The following NOXA1 variants were observed in gnomAD, a reference collection of about 807,000 sequenced individuals.
NOXA1 encodes the protein NCF2-like protein.
Under a neutral mutation model 64.8 loss-of-function variants are expected in NOXA1, and 56 were observed. The ratio of observed to expected loss-of-function variants is 0.86; its 90% confidence interval spans 0.70 to 1.08. The LOEUF is 1.08. Among genes scored for constraint, NOXA1 ranks in the 50% least tolerant of loss-of-function variants. NOXA1 has a pLI of 0.00. For synonymous variants in NOXA1, 295 were observed against 294.8 expected (o/e 1.00, Z -0.01); for missense variants, 668 against 658.5 (o/e 1.01, Z -0.16).
intron 2 of NOXA1, 69 bp downstream of exon 2, chr9:137,426,399 C>T: frequency 8.3e-7 from 1 of 1,200,846 alleles, no homozygotes; most frequent in Non-Finnish European, 1.2e-6. Flanking sequence ...ACTCCTGCAC[C>T]TCCTCCTCCT....
chr9:137,424,793 C>T (rs1838773782), intron 1 of NOXA1, among the ~76,000 whole-genome samples: 1 of 152,148 alleles, frequency 6.6e-6, no homozygotes, highest in Non-Finnish European at 1.5e-5. Flanking sequence ...TCTTTAGACA[C>T]CAGGTGGTTC....
At position 137,433,219 on chromosome 9, in the gene NOXA1, G is replaced by A. The variant is rs1312140063; in HGVS notation, c.865G>A (p.Gly289Arg). 3 of 1,606,460 alleles carry A rather than the reference G, an allele frequency of 1.9e-6. No individual in the cohort carries two copies. The highest frequency in any genetic ancestry group is 4.5e-5 in the East Asian group (2 of 44,690). Residue 289 changes from glycine to arginine, a missense_variant, in exon 10 of 14, where the codon GGG becomes AGG. Physicochemically the swap from Gly to Arg is moderately radical, Grantham distance 125 (BLOSUM62 -2). Coordinates refer to ENST00000683555, the MANE Select transcript of NOXA1 (RefSeq NM_001256067.2). ...CTGTCCTACAGGGCTGCCGGCAATG[G>A]GGGGGCCTGGCCCCGGCCCCTGTGA... ...APLSPGLPAM[G>R]GPGPGPCEDP...
In NOXA1 at chr9:137,433,523, G is replaced by A; in HGVS notation, c.980G>A (p.Arg327Lys). 6.3e-7 allele frequency: 1 copy of A among 1,597,786 alleles called. No individual in the cohort carries two copies. The highest frequency in any genetic ancestry group is 8.5e-7 in the Non-Finnish European group (1 of 1,175,690). ...TVQCAFTVAL[R>K]ARRGADLSSL... is the part of the protein sequence containing the mutation. The stretch of plus-strand genomic sequence containing the variant: ...CAGTGCGCCTTCACAGTGGCCCTGA[G>A]GGCACGAAGAGGAGCCGACCTGTCC... Residue 327 changes from arginine to lysine, a missense_variant, in exon 11 of 14, where the codon AGG (arginine) becomes AAG (lysine). Transcript: ENST00000683555.
In NOXA1 at chr9:137,433,227, T is replaced by TGGCCCC. The variant is rs760500887; in HGVS notation, c.880_885dup (p.Gly294_Pro295dup). On this transcript the variant is annotated inframe_insertion, in exon 10 of 14. Coordinates refer to ENST00000683555, the MANE Select transcript of NOXA1 (RefSeq NM_001256067.2). ...CAGGGCTGCCGGCAATGGGGGGGCCTGGCCCCGGCCCCTGTGAGGACCCCG... is the reference window on the plus strand; with the variant it reads ...CAGGGCTGCCGGCAATGGGGGGGCCTGGCCCCGGCCCCGGCCCCTGTGAGGACCCCG... 4.4e-6 allele frequency: 7 copies of TGGCCCC among 1,604,778 alleles called. No homozygotes were observed. The highest frequency in any genetic ancestry group is 2.7e-5 in the African/African-American group (2 of 74,582).
At chr9:137,434,118 GC>G in intron 13 of NOXA1, 39 bp downstream of exon 13, 1 of 1,583,094 alleles carries the variant, frequency 6.3e-7, no homozygotes, top group Non-Finnish European at 8.6e-7. Flanking sequence ...GCACCGTGGT[GC>G]CCGGGGTGTG....
Position 137,432,971 on chromosome 9 carries a change from A to G in NOXA1, c.805-58A>G, listed in dbSNP as rs547706095. ...CCCTTGGTGTGGGCTCTGCGAGGACAGTACCGGCCTCCAGCACCTGACCGC... is the reference window on the plus strand; with the variant it reads ...CCCTTGGTGTGGGCTCTGCGAGGACGGTACCGGCCTCCAGCACCTGACCGC... On this transcript the variant is annotated intron_variant, in intron 8 of 13. Coordinates refer to ENST00000683555, the MANE Select transcript of NOXA1 (RefSeq NM_001256067.2). The G allele has an allele frequency of 1.4e-4, 227 of 1,581,188 alleles. 1 individual carries two copies. The East Asian group carries it at 4.9e-3, about 34-fold the overall frequency.
chr9:137,434,016 T>C lies in NOXA1; in HGVS notation c.1231T>C (p.Ser411Pro). The part of the protein sequence containing the change: ...LYQVVAQHSY[S>P]AQGPEDLGFR... Reference sequence around the variant, plus strand: ...CCAGGTGGTGGCCCAGCACAGCTACTCCGCCCAGGGGCCAGAGGACCTGGG... The same window carrying C: ...CCAGGTGGTGGCCCAGCACAGCTACCCCGCCCAGGGGCCAGAGGACCTGGG... Residue 411 changes from serine (S) to proline (P), a missense_variant, in exon 13 of 14, where the codon TCC becomes CCC. Ser to Pro is a moderately conservative substitution (Grantham distance 74, BLOSUM62 -1). Coordinates refer to ENST00000683555, the MANE Select transcript of NOXA1 (RefSeq NM_001256067.2). 1 of 1,570,022 alleles carries C rather than the reference T, an allele frequency of 6.4e-7. No individual in the cohort carries two copies. The highest frequency in any genetic ancestry group is 1.2e-5 in the South Asian group (1 of 86,708).
At chr9:137,429,643 C>T (rs908208492) in intron 5 of NOXA1, among the ~76,000 whole-genome samples, 3 of 152,198 alleles carry the variant, frequency 2.0e-5, no homozygotes, top group Admixed American at 6.5e-5. Context: ...CTGCAGGTGC[C>T]ACCCCGCCCC....
chr9:137,430,297 C>A (rs1348246191), intron 5 of NOXA1, among the ~76,000 whole-genome samples: 25 of 149,244 alleles, frequency 1.7e-4, no homozygotes. Flanking sequence ...CCCCCAAAGG[C>A]AGCGGGCGAA....
At chr9:137,428,373 A>G (rs1041289957) in intron 3 of NOXA1, among the ~76,000 whole-genome samples, 4 of 152,038 alleles carry the variant, frequency 2.6e-5, no homozygotes, top group African/African-American at 9.7e-5. Flanking sequence ...AGGAGGGCAG[A>G]GGCGAAAGGC....
At chr9:137,430,427 A>G (rs1041826167) in intron 5 of NOXA1, among the ~76,000 whole-genome samples, 1 of 152,166 alleles carries the variant, frequency 6.6e-6, no homozygotes, top group Non-Finnish European at 1.5e-5. Context: ...GCGCTGCGCC[A>G]CGGCCGACTC....
intron 8 of NOXA1, among the ~76,000 whole-genome samples, chr9:137,432,511 C>T (rs531181714): frequency 3.6e-4 from 54 of 152,092 alleles, no homozygotes; most frequent in African/African-American, 1.0e-3. Context: ...ACCCAGGAGG[C>T]GGAGCTTATA....
rs1312700642 is a variant in NOXA1, at chr9:137,431,284, C to T, written c.747C>T (p.Leu249=). Residue 249 remains leucine, a synonymous_variant, in exon 8 of 14, where the codon CTC becomes CTT. Transcript: ENST00000683555. This position sits in a 1 kb window ranked among gnomAD's most constrained non-coding sequence, Gnocchi z 5.6. ...GAGCTGGCACCCACCAGGGCCCCCT[C>T]GATGCAGAGACAGAGGTCGGTGCTG... The part of the protein sequence containing the change: ...SPRAGTHQGP[L]DAETEVGADR... The T allele has an allele frequency of 8.1e-6, 13 of 1,612,684 alleles. No homozygotes were observed. The African/African-American group carries it at 9.3e-5, about 12-fold the overall frequency.
Position 137,431,145 on chromosome 9 carries a change from T to C in NOXA1, c.698+45T>C, listed in dbSNP as rs534736372. 2 of 1,612,482 alleles carry C rather than the reference T, an allele frequency of 1.2e-6. No individual in the cohort carries two copies. Among genetic ancestry groups the C allele is most frequent in the South Asian group, 2.2e-5 (2 of 91,042 alleles). On this transcript the variant is annotated intron_variant, in intron 7 of 13. Coordinates refer to ENST00000683555, the MANE Select transcript of NOXA1 (RefSeq NM_001256067.2). The surrounding 1 kb of genome is among the most constrained non-coding windows in gnomAD (Gnocchi z 5.6). Reference sequence around the variant, plus strand: ...CCCTGCGAGCGCGTGCCTTTCCTGCTGGGCAGAGGCCCTCCACATGGGGCC... The same window carrying C: ...CCCTGCGAGCGCGTGCCTTTCCTGCCGGGCAGAGGCCCTCCACATGGGGCC...
At chr9:137,426,368 C>A (rs1379100984) in intron 2 of NOXA1, 38 bp downstream of exon 2, 2 of 1,560,730 alleles carry the variant, frequency 1.3e-6, no homozygotes, top group Non-Finnish European at 1.8e-6. Context: ...TCTGACGGCC[C>A]TTTGTCTCCC....
At position 137,433,537 on chromosome 9, in the gene NOXA1, G is replaced by A. The variant is rs768399384; in HGVS notation, c.994G>A (p.Ala332Thr). The A allele has an allele frequency of 6.3e-7, 1 of 1,589,058 alleles. No individual in the cohort carries two copies. Among genetic ancestry groups the A allele is most frequent in the Non-Finnish European group, 8.5e-7 (1 of 1,171,086 alleles). Residue 332 changes from alanine to threonine, a missense_variant, in exon 11 of 14, where the codon GCC (alanine) becomes ACC (threonine). Transcript: ENST00000683555. ...FTVALRARRG[A>T]DLSSLRALLG... is the part of the protein sequence containing the mutation. The stretch of plus-strand genomic sequence containing the variant: ...AGTGGCCCTGAGGGCACGAAGAGGA[G>A]CCGACCTGTCCAGCCTGCGGGCACT...
At chr9:137,425,422 G>A (rs117776327) in intron 1 of NOXA1, among the ~76,000 whole-genome samples, 30 of 152,234 alleles carry the variant, frequency 2.0e-4, no homozygotes, top group Non-Finnish European at 3.8e-4. Flanking sequence ...ATCTCGCTCT[G>A]TCTTGCAGGC....
At chr9:137,427,294 C>T (rs193274682) in intron 2 of NOXA1, among the ~76,000 whole-genome samples, 83 of 152,226 alleles carry the variant, frequency 5.5e-4, no homozygotes, top group Admixed American at 2.3e-3. Context: ...AGGGGTAAGA[C>T]GTAGGTGCGT....
Position 137,429,434 on chromosome 9 carries a change from G to C in NOXA1, c.612+51G>C, listed in dbSNP as rs956733778. 1.4e-5 allele frequency: 18 copies of C among 1,328,082 alleles called. No homozygotes were observed. The East Asian group carries it at 2.5e-4, about 19-fold the overall frequency. 82.3% of individuals were successfully genotyped at this position (1,328,082 alleles called of 1,614,324 possible). ...GCATGGCGGCTGGTGCTGAGCCCTC[G>C]AACTGTGTTCCCAGGGATGGGGGGA... On this transcript the variant is annotated intron_variant, in intron 5 of 13. Coordinates refer to ENST00000683555, the MANE Select transcript of NOXA1 (RefSeq NM_001256067.2).
Sources: allele counts gnomAD v4.1 joint callset (sites outside exome capture counted in the v4.1 genomes callset), GRCh38; gene constraint gnomAD v4.1.1; non-coding constraint Gnocchi (gnomAD v3.1); transcripts MANE v1.5; gene names NCBI Gene and HGNC (gene_info 2026-07-23, HGNC 2026-07-21).